Variants in LRRC38 observed in about 807,000 individuals in gnomAD.
LRRC38 encodes leucine rich repeat containing 38, also known as leucine-rich repeat-containing protein 38.
LRRC38 carries 5 observed loss-of-function variants against 16.4 expected under a neutral mutation model. The observed-to-expected ratio is 0.31, with a 90% CI of 0.16 to 0.64. The LOEUF (loss-of-function observed/expected upper bound fraction) is 0.64, where lower values mean the gene tolerates loss of function less well. Among genes scored for constraint, LRRC38 ranks in the 30% least tolerant of loss-of-function variants. LRRC38 has a pLI of 0.80. For synonymous variants in LRRC38, 191 were observed against 190.2 expected (o/e 1.00, Z -0.04); for missense variants, 341 against 401.8 (o/e 0.85, Z 1.29).
In LRRC38 at chr1:13,499,844, T is replaced by C. The variant is rs542912944; in HGVS notation, c.631+13119A>G. 2.0e-5 allele frequency among the ~76,000 whole-genome samples: 3 copies of C among 152,292 alleles called. No individual in the cohort carries two copies. The East Asian group carries it at 5.8e-4, about 29-fold the overall frequency. On this transcript the variant is annotated intron_variant, in intron 1 of 1. Transcript: ENST00000376085. ...GCAGTAGGTATGCACGCTTTCCGTA[T>C]GTGTATTGTGAAAGGAAAATAAATC...
At chr1:13,503,636 C>T (rs1639175908) in intron 1 of LRRC38, among the ~76,000 whole-genome samples, 1 of 152,184 alleles carries the variant, frequency 6.6e-6, no homozygotes, top group African/African-American at 2.4e-5. Flanking sequence ...TAACCTCACC[C>T]AGCTGACCCT....
intron 1 of LRRC38, among the ~76,000 whole-genome samples, chr1:13,505,388 G>A (rs1187182282): frequency 6.6e-6 from 1 of 152,220 alleles, no homozygotes; most frequent in African/African-American, 2.4e-5. Flanking sequence ...TCTGGGCCCT[G>A]CCTTGGCTGA....
rs537291963 is a variant in LRRC38 at position 13,484,961 on chromosome 1, A to G, written c.632-8862T>C. Among the ~76,000 whole-genome samples, 32 of 152,292 alleles carry G rather than the reference A, an allele frequency of 2.1e-4. 1 individual carries two copies. The South Asian group carries it at 4.8e-3, about 23-fold the overall frequency. Reference sequence around the variant, plus strand: ...ACCCTAGTGCCTATGCAGTTAGACAATACCCTTCCCTGTTGCCTTAAGAAT... The same window carrying G: ...ACCCTAGTGCCTATGCAGTTAGACAGTACCCTTCCCTGTTGCCTTAAGAAT... On this transcript the variant is annotated intron_variant, in intron 1 of 1. Transcript: ENST00000376085.
intron 1 of LRRC38, among the ~76,000 whole-genome samples, chr1:13,505,427 A>G (rs1639201447): frequency 6.6e-6 from 1 of 152,166 alleles, no homozygotes. Flanking sequence ...TTGCTGACCC[A>G]AAGCCACCGA....
intron 1 of LRRC38, among the ~76,000 whole-genome samples, chr1:13,493,368 G>T (rs1331552753): frequency 1.3e-5 from 2 of 152,034 alleles, no homozygotes; most frequent in Non-Finnish European, 2.9e-5. Flanking sequence ...CATGAGAAAT[G>T]AGCCTACACA....
intron 1 of LRRC38, among the ~76,000 whole-genome samples, chr1:13,497,259 A>T (rs952620818): frequency 6.6e-6 from 1 of 152,172 alleles, no homozygotes; most frequent in Non-Finnish European, 1.5e-5. Context: ...CTCCAGACAA[A>T]GCTCTCATAG....
chr1:13,513,307 T>A lies in LRRC38; in HGVS notation c.287A>T (p.Glu96Val). 1 of 1,550,582 alleles carries A rather than the reference T, an allele frequency of 6.4e-7. No homozygotes were observed. The highest frequency in any genetic ancestry group is 8.7e-7 in the Non-Finnish European group (1 of 1,146,934). ...DFRNNSLRSL[E>V]EGTFSGSAKL... Reference sequence around the variant, plus strand: ...GGCCGAGCCGCTGAACGTGCCCTCCTCCAGCGAGCGCAGCGAGTTGTTCCT... The same window carrying A: ...GGCCGAGCCGCTGAACGTGCCCTCCACCAGCGAGCGCAGCGAGTTGTTCCT... Residue 96 changes from glutamate to valine, a missense_variant, in exon 1 of 2, where the codon GAG (glutamate) becomes GTG (valine). Transcript: ENST00000376085.
At chr1:13,478,123 T>A (rs537749474) in intron 1 of LRRC38, among the ~76,000 whole-genome samples, 148 of 152,306 alleles carry the variant, frequency 9.7e-4, no homozygotes, top group African/African-American at 3.3e-3. Context: ...ATGTGCAAAT[T>A]CAAATGACGA....
Position 13,513,438 on chromosome 1 carries a change from G to A in LRRC38, c.156C>T (p.Asp52=). 1.3e-6 allele frequency: 2 copies of A among 1,549,342 alleles called. No homozygotes were observed. Among genetic ancestry groups the A allele is most frequent in the South Asian group, 1.2e-5 (1 of 84,018 alleles). ...GCTTGCGCACGTCCAGGGGGAAAGG[G>A]TCTGGCACGCTGGGCAGCCCGCGGT... ...CRDRGLPSVP[D]PFPLDVRKLL... is the part of the protein sequence containing the mutation. The change falls in exon 1 of 2, where the codon GAC becomes GAT. Residue 52 remains aspartate (D), a synonymous_variant. Transcript: ENST00000376085.
rs1299450121 is a variant in LRRC38, at chr1:13,513,561, C to A, written c.33G>T (p.Ala11=). 3 of 1,224,044 alleles carry A rather than the reference C, an allele frequency of 2.5e-6. No individual in the cohort carries two copies. The highest frequency in any genetic ancestry group is 3.9e-5 in the South Asian group (1 of 25,640). The allele number at this position is 1,224,044 out of a possible 1,614,324, so 75.8% of individuals were successfully genotyped here. Residue 11 remains alanine, a synonymous_variant, in exon 1 of 2, where the codon GCG becomes GCT. Transcript: ENST00000376085. The stretch of plus-strand genomic sequence containing the variant: ...GCAGAAGGCTGCAGAGCCCGAGCGC[C>A]GCGGCGGCGCAGGCTGGGGCTCGGG... The part of the protein sequence containing the change: MRPRAPACAA[A]ALGLCSLLLL...
chr1:13,481,349 C>A lies in LRRC38; in HGVS notation c.632-5250G>T, dbSNP rs145099298. Among the ~76,000 whole-genome samples, 126 of 151,522 alleles carry A rather than the reference C, an allele frequency of 8.3e-4. 5 individuals carry two copies. In the East Asian group the frequency reaches 0.021, roughly 26 times the overall value. On this transcript the variant is annotated intron_variant, in intron 1 of 1. Coordinates refer to ENST00000376085, the MANE Select transcript of LRRC38 (RefSeq NM_001010847.2). Reference sequence around the variant, plus strand: ...CTGGGACTTCAGATGTGAGACACAGCATCTGGCCAGGGATTAGTGTTCTTA... The same window carrying A: ...CTGGGACTTCAGATGTGAGACACAGAATCTGGCCAGGGATTAGTGTTCTTA...
chr1:13,499,428 T>G (rs56695418), intron 1 of LRRC38, among the ~76,000 whole-genome samples: 2,023 of 152,286 alleles, frequency 0.013, 45 homozygotes, highest in African/African-American at 0.046. Flanking sequence ...CAAGGTCACA[T>G]TCTGAAGTAT....
At chr1:13,480,107 G>A (rs1638834344) in intron 1 of LRRC38, among the ~76,000 whole-genome samples, 1 of 152,222 alleles carries the variant, frequency 6.6e-6, no homozygotes, top group Non-Finnish European at 1.5e-5. Context: ...CACTTTGGGA[G>A]GCCGAGGCGG....
intron 1 of LRRC38, among the ~76,000 whole-genome samples, chr1:13,502,980 A>T (rs1048250951): frequency 6.6e-6 from 1 of 152,212 alleles, no homozygotes; most frequent in African/African-American, 2.4e-5. Flanking sequence ...TATTCTTTTC[A>T]AATGAAGACA....
At chr1:13,508,518 A>C (rs913179395) in intron 1 of LRRC38, among the ~76,000 whole-genome samples, 1 of 152,226 alleles carries the variant, frequency 6.6e-6, no homozygotes, top group Non-Finnish European at 1.5e-5. Context: ...CATTTTGCGA[A>C]TGTACAGTAT....
chr1:13,500,848 C>T (rs551020427), intron 1 of LRRC38, among the ~76,000 whole-genome samples: 4 of 152,036 alleles, frequency 2.6e-5, no homozygotes, highest in East Asian at 1.9e-4. Flanking sequence ...TTAAATGATA[C>T]GACGTTCTGG....
At chr1:13,505,076 G>A (rs1325386096) in intron 1 of LRRC38, among the ~76,000 whole-genome samples, 1 of 152,138 alleles carries the variant, frequency 6.6e-6, no homozygotes, top group African/African-American at 2.4e-5. Context: ...GATGACATTG[G>A]TTTGTTTCTG....
chr1:13,513,248 A>C lies in LRRC38; in HGVS notation c.346T>G (p.Leu116Val), dbSNP rs1557507709. Residue 116 changes from leucine to valine, a missense_variant, in exon 1 of 2, where the codon TTG (leucine) becomes GTG (valine). Transcript: ENST00000376085. ...AAGGCGCCGGCGCCCAGCTGGGTCA[A>C]GTTGTTGTAGCTGAGGTCGAGGAAC... The part of the protein sequence containing the change: ...LVFLDLSYNN[L>V]TQLGAGAFRS... 6.5e-7 allele frequency: 1 copy of C among 1,550,268 alleles called. No homozygotes were observed. Among genetic ancestry groups the C allele is most frequent in the Non-Finnish European group, 8.7e-7 (1 of 1,146,898 alleles).
intron 1 of LRRC38, among the ~76,000 whole-genome samples, chr1:13,476,882 C>T (rs1050058546): frequency 3.9e-5 from 6 of 152,014 alleles, no homozygotes; most frequent in Admixed American, 3.3e-4. Flanking sequence ...AGAGGGTTAG[C>T]ATGGTCAGGA....
Sources: gnomAD v4.1 joint callset for allele counts (sites outside exome capture counted in the v4.1 genomes callset) on GRCh38, gnomAD v4.1.1 for gene constraint, MANE v1.5 for transcripts, NCBI Gene and HGNC (gene_info 2026-07-23, HGNC 2026-07-21) for gene names.